The following CSMD1 variants were observed in gnomAD, a reference collection of about 807,000 sequenced individuals.
CSMD1 encodes the protein CUB and Sushi multiple domains 1.
A neutral mutation model predicts 417.5 loss-of-function variants in CSMD1; 213 were observed. The ratio of observed to expected loss-of-function variants is 0.51; its 90% CI spans 0.46 to 0.57. The LOEUF is 0.57. Ranked by LOEUF, CSMD1 falls within the 20% of genes least tolerant of loss-of-function variation. The pLI is 0.00. For synonymous variants in CSMD1, 2,862 were observed against 1,736.8 expected, an observed-to-expected ratio of 1.65 and a Z score of -16.11; for missense variants, 6,923 against 4,529.7, an observed-to-expected ratio of 1.53 and a Z score of -15.17.
chr8:3,653,256 G>C (rs180824735), intron 7 of CSMD1, among the ~76,000 whole-genome samples: 183 of 152,068 alleles, frequency 1.2e-3, no homozygotes, highest in African/African-American at 4.2e-3. Flanking sequence ...ATATCAAATA[G>C]ATAAGTTAGG....
chr8:4,043,041 A>G (rs1426215159), intron 3 of CSMD1, among the ~76,000 whole-genome samples: 2 of 152,058 alleles, frequency 1.3e-5, no homozygotes, highest in Non-Finnish European at 1.5e-5. Context: ...TTGAAGCAGG[A>G]GAATCACTTG....
At position 3,935,611 on chromosome 8, in the gene CSMD1, G is replaced by A. The variant is rs959603849; in HGVS notation, c.818+62292C>T. On this transcript the variant is annotated intron_variant, in intron 5 of 69. Coordinates refer to ENST00000635120, the MANE Select transcript of CSMD1 (RefSeq NM_033225.6). ...ATCAGTAATTTTTGTTGTAACTATT[G>A]TAATTGTTTGGGGGCCCCATATGTG... is the stretch of plus-strand genomic sequence containing the variant. Among the ~76,000 whole-genome samples the A allele has an allele frequency of 5.9e-5, 9 of 152,018 alleles. 1 individual carries two copies. Among genetic ancestry groups the A allele is most frequent in the African/African-American group, 2.2e-4 (9 of 41,390 alleles).
At chr8:2,989,745 A>C (rs78173892) in intron 54 of CSMD1, among the ~76,000 whole-genome samples, 6,711 of 152,244 alleles carry the variant, frequency 0.044, 185 homozygotes, top group African/African-American at 0.067. Context: ...TGGAACCTAC[A>C]TACAAAAAAA....
intron 10 of CSMD1, among the ~76,000 whole-genome samples, chr8:3,494,178 A>G (rs1006025506): frequency 6.6e-6 from 1 of 151,960 alleles, no homozygotes; most frequent in Non-Finnish European, 1.5e-5. Flanking sequence ...GCACCCCAAA[A>G]GACTTTATGA....
At chr8:3,010,907 T>A (rs1808336146) in intron 52 of CSMD1, among the ~76,000 whole-genome samples, 1 of 151,926 alleles carries the variant, frequency 6.6e-6, no homozygotes, top group Admixed American at 6.6e-5. Context: ...TTATGTCCAG[T>A]AGTAGAGATG....
chr8:3,732,181 T>G (rs1796307729), intron 6 of CSMD1, among the ~76,000 whole-genome samples: 1 of 152,184 alleles, frequency 6.6e-6, no homozygotes, highest in African/African-American at 2.4e-5. Flanking sequence ...GTGGTTGCCT[T>G]GGGAACAGAG....
At chr8:4,366,712 A>G (rs1802094910) in intron 3 of CSMD1, among the ~76,000 whole-genome samples, 1 of 151,092 alleles carries the variant, frequency 6.6e-6, no homozygotes, top group Admixed American at 6.6e-5. Flanking sequence ...CTTTTATTTT[A>G]TTATTATTAT....
rs1563361603 is a variant in CSMD1 at position 3,411,882 on chromosome 8, A to ACGTATATATGCACGTATACATG, written c.1562-2278_1562-2277insCATGTATACGTGCATATATACG. Reference sequence around the variant, plus strand: ...TGCACGTATATATGCACGTATATATACACGTATATATGCACGTATATATAC... The same window carrying ACGTATATATGCACGTATACATG: ...TGCACGTATATATGCACGTATATATACGTATATATGCACGTATACATGCACGTATATATGCACGTATATATAC... On this transcript the variant is annotated intron_variant, in intron 12 of 69. Coordinates refer to ENST00000635120, the MANE Select transcript of CSMD1 (RefSeq NM_033225.6). Among the ~76,000 whole-genome samples the ACGTATATATGCACGTATACATG allele has an allele frequency of 1.3e-4, 6 of 46,360 alleles. No individual in the cohort carries two copies. The South Asian group carries it at 2.1e-3, about 16-fold the overall frequency. 30.4% of individuals were successfully genotyped at this position (46,360 alleles called of 152,430 possible). A position where few individuals can be genotyped will look rare whatever the true frequency, so the allele number is the denominator to read the frequency against.
chr8:4,444,988 C>T (rs1783936793), intron 2 of CSMD1, among the ~76,000 whole-genome samples: 2 of 152,202 alleles, frequency 1.3e-5, no homozygotes, highest in Non-Finnish European at 2.9e-5. Flanking sequence ...TATTTCCCTT[C>T]TCTTGCATTT....
intron 20 of CSMD1, among the ~76,000 whole-genome samples, chr8:3,365,856 A>G (rs1809530212): frequency 6.6e-6 from 1 of 152,206 alleles, no homozygotes; most frequent in African/African-American, 2.4e-5. Flanking sequence ...CGCACAGTGG[A>G]ACATCATCTT....
chr8:4,725,751 G>C (rs1009001325), intron 1 of CSMD1, among the ~76,000 whole-genome samples: 1 of 152,084 alleles, frequency 6.6e-6, no homozygotes, highest in Admixed American at 6.6e-5. Context: ...TGCTTATTTA[G>C]TAGCTGGTAC....
intron 1 of CSMD1, among the ~76,000 whole-genome samples, chr8:4,754,112 T>G (rs1233208016): frequency 6.6e-6 from 1 of 152,202 alleles, no homozygotes; most frequent in Non-Finnish European, 1.5e-5. Flanking sequence ...GTATGTTACA[T>G]TAAACATTTA....
intron 50 of CSMD1, among the ~76,000 whole-genome samples, chr8:3,033,889 C>T (rs1585194683): frequency 2.0e-5 from 3 of 152,252 alleles, no homozygotes; most frequent in Admixed American, 6.5e-5. Context: ...CAAACTGCAA[C>T]TCAACTCAAG....
At chr8:3,897,600 G>A (rs1229391508) in intron 5 of CSMD1, among the ~76,000 whole-genome samples, 6 of 151,402 alleles carry the variant, frequency 4.0e-5, no homozygotes, top group Non-Finnish European at 8.8e-5. Flanking sequence ...TGCATTTTAA[G>A]TAACCCTAAA....
chr8:3,567,860 A>G (rs1206505182), intron 10 of CSMD1, among the ~76,000 whole-genome samples: 4 of 152,092 alleles, frequency 2.6e-5, no homozygotes, highest in Admixed American at 6.6e-5. Context: ...CTCATTATAT[A>G]GTTGGACTCC....
At chr8:3,455,670 G>C (rs896747665) in intron 12 of CSMD1, among the ~76,000 whole-genome samples, 10 of 152,202 alleles carry the variant, frequency 6.6e-5, no homozygotes, top group Admixed American at 4.6e-4. Flanking sequence ...CCTTCCTCTG[G>C]AAATTTTGTC....
chr8:3,726,095 G>A (rs575350472), intron 6 of CSMD1, among the ~76,000 whole-genome samples: 7 of 152,176 alleles, frequency 4.6e-5, no homozygotes, highest in South Asian at 2.1e-4. Context: ...AGCAGCCACC[G>A]GGAATGCCAC....
chr8:4,570,314 T>C (rs1324557267), intron 2 of CSMD1, among the ~76,000 whole-genome samples: 2 of 152,220 alleles, frequency 1.3e-5, no homozygotes, highest in African/African-American at 4.8e-5. Context: ...ATATGTTCCG[T>C]CAATACCTAG....
chr8:3,489,313 T>G (rs111439804), intron 11 of CSMD1, among the ~76,000 whole-genome samples: 1 of 152,212 alleles, frequency 6.6e-6, no homozygotes, highest in Admixed American at 6.5e-5. Flanking sequence ...GCTACCCTAC[T>G]TGCTCACAGA....
Sources: gnomAD v4.1 joint callset for allele counts (sites outside exome capture counted in the v4.1 genomes callset) on GRCh38, gnomAD v4.1.1 for gene constraint, MANE v1.5 for transcripts, NCBI Gene and HGNC (gene_info 2026-07-23, HGNC 2026-07-21) for gene names.